Variants in MALRD1 observed in about 807,000 individuals in gnomAD.
MALRD1 encodes MAM and LDL-receptor class A domain-containing protein 1.
A neutral mutation model predicts 242.1 loss-of-function variants in MALRD1; 247 were observed. The ratio of observed to expected loss-of-function variants is 1.02; its 90% CI spans 0.92 to 1.13. The LOEUF (loss-of-function observed/expected upper bound fraction) is 1.13, where lower values mean the gene tolerates loss of function less well. Among genes scored for constraint, MALRD1 ranks in the 50% most tolerant of loss-of-function variants. The pLI is 0.00. For synonymous variants in MALRD1, 995 were observed against 866.6 expected (o/e 1.15, Z -2.60); for missense variants, 2,989 against 2,533.1 (o/e 1.18, Z -3.86).
chr10:19,462,692 G>C (rs765902352), intron 29 of MALRD1, among the ~76,000 whole-genome samples: 1 of 152,186 alleles, frequency 6.6e-6, no homozygotes, highest in Non-Finnish European at 1.5e-5. Flanking sequence ...CTACTAGCAA[G>C]TATAGAAGGA....
At position 19,246,296 on chromosome 10, in the gene MALRD1, T is replaced by C. The variant is rs553791864; in HGVS notation, c.2992-11388T>C. Among the ~76,000 whole-genome samples the C allele has an allele frequency of 5.9e-5, 9 of 152,280 alleles. 1 individual carries two copies. The South Asian group carries it at 1.9e-3, about 32-fold the overall frequency. On this transcript the variant is annotated intron_variant, in intron 18 of 39. Coordinates refer to ENST00000454679, the MANE Select transcript of MALRD1 (RefSeq NM_001142308.3). ...ATATTCAGACACATGTAGAGTTATA[T>C]TTTCATTTTGTATTAAGTAACTGGC...
At chr10:19,307,837 G>T (rs1253978106) in intron 21 of MALRD1, among the ~76,000 whole-genome samples, 2 of 151,386 alleles carry the variant, frequency 1.3e-5, no homozygotes, top group Non-Finnish European at 3.0e-5. Context: ...ATTTTTAATT[G>T]ACAAATAATA....
chr10:19,360,506 G>A (rs1448763963), intron 26 of MALRD1, among the ~76,000 whole-genome samples: 2 of 151,890 alleles, frequency 1.3e-5, no homozygotes, highest in African/African-American at 2.4e-5. Flanking sequence ...ACCCATCCCT[G>A]CTCACTCTCA....
chr10:19,602,775 T>A (rs536024579), intron 34 of MALRD1, among the ~76,000 whole-genome samples: 179 of 152,256 alleles, frequency 1.2e-3, no homozygotes, highest in African/African-American at 4.1e-3. Context: ...CACCACACTG[T>A]CTTCCACAAT....
chr10:19,408,098 T>C (rs777599084), intron 28 of MALRD1, among the ~76,000 whole-genome samples: 4 of 151,682 alleles, frequency 2.6e-5, no homozygotes, highest in Admixed American at 6.6e-5. Context: ...GCTCCATTCC[T>C]CCTCCCCAAG....
At chr10:19,257,607 T>C in intron 18 of MALRD1, 77 bp from the exon 19 acceptor site, 1 of 1,116,802 alleles carries the variant, frequency 9.0e-7, no homozygotes, top group Non-Finnish European at 1.3e-6. Flanking sequence ...TAAATTCCTC[T>C]TCATCCATTC....
intron 26 of MALRD1, among the ~76,000 whole-genome samples, chr10:19,385,122 T>A (rs555810529): frequency 7.9e-5 from 12 of 152,158 alleles, no homozygotes; most frequent in African/African-American, 2.4e-4. Flanking sequence ...TATGTGGTAA[T>A]GATGTATGAT....
chr10:19,064,201 G>T (rs1053461645), intron 1 of MALRD1, among the ~76,000 whole-genome samples: 2 of 152,126 alleles, frequency 1.3e-5, no homozygotes, highest in Admixed American at 1.3e-4. Context: ...CAGGAACTTG[G>T]ATTCCACTGA....
chr10:19,292,104 C>CAAAAAA (rs1841465076), intron 21 of MALRD1, among the ~76,000 whole-genome samples: 1 of 121,762 alleles, frequency 8.2e-6, no homozygotes, highest in East Asian at 2.7e-4. Flanking sequence ...AAAAAAAAAT[C>CAAAAAA]AAATTTGTGT....
In MALRD1 at chr10:19,595,248, A is replaced by G. The variant is rs1391501229; in HGVS notation, c.5735A>G (p.Tyr1912Cys). 1.9e-6 allele frequency: 3 copies of G among 1,550,504 alleles called. No individual in the cohort carries two copies. Among genetic ancestry groups the G allele is most frequent in the African/African-American group, 2.7e-5 (2 of 73,116 alleles). The change falls in exon 34 of 40, where the codon TAC becomes TGC. Residue 1912 changes from tyrosine to cysteine, a missense_variant. Transcript: ENST00000454679. ...PCEADQFSCI[Y>C]TLQCVPLSGK... Reference sequence around the variant, plus strand: ...GAAGCTGATCAGTTTTCTTGTATCTACACACTCCAATGTGTCCCTCTCTCA... The same window carrying G: ...GAAGCTGATCAGTTTTCTTGTATCTGCACACTCCAATGTGTCCCTCTCTCA...
chr10:19,442,264 T>A (rs1171330171), intron 28 of MALRD1, among the ~76,000 whole-genome samples: 1 of 152,182 alleles, frequency 6.6e-6, no homozygotes, highest in Non-Finnish European at 1.5e-5. Flanking sequence ...AAATATACAA[T>A]CATGTCATCT....
intron 18 of MALRD1, among the ~76,000 whole-genome samples, chr10:19,219,564 G>A (rs545099298): frequency 2.0e-5 from 3 of 152,104 alleles, no homozygotes; most frequent in South Asian, 4.2e-4. Context: ...AGCCTCCCAA[G>A]TAGCTGCGCC....
rs1843373322 is a variant in MALRD1, at chr10:19,331,560, A to G, written c.3879A>G (p.Ser1293=). The G allele has an allele frequency of 7.1e-6, 11 of 1,550,272 alleles. No individual in the cohort carries two copies. The highest frequency in any genetic ancestry group is 9.6e-6 in the Non-Finnish European group (11 of 1,146,774). ...TTGTGAATGATTGTGCTGATAATTC[A>G]GATGAGACTACTTTCATTTGCCGTA... The part of the protein sequence containing the change: ...CDFVNDCADN[S]DETTFICRTS... The change falls in exon 24 of 40, where the codon TCA becomes TCG. Residue 1293 remains serine, a synonymous_variant. Transcript: ENST00000454679.
intron 18 of MALRD1, among the ~76,000 whole-genome samples, chr10:19,211,689 A>C (rs796536822): frequency 1.9e-4 from 1 of 5,342 alleles, no homozygotes; most frequent in African/African-American, 1.3e-3. Context: ...CCTCACAAAA[A>C]AAAAAAAAAA....
intron 36 of MALRD1, among the ~76,000 whole-genome samples, chr10:19,643,727 T>G (rs1048303759): frequency 6.6e-6 from 1 of 152,178 alleles, no homozygotes; most frequent in East Asian, 1.9e-4. Context: ...CTGCCTATTC[T>G]GTCCCCTTCC....
intron 18 of MALRD1, among the ~76,000 whole-genome samples, chr10:19,252,709 C>A (rs539841292): frequency 1.2e-4 from 18 of 152,084 alleles, no homozygotes; most frequent in African/African-American, 3.6e-4. Flanking sequence ...TAATATGGCA[C>A]TTATGACCCT....
At chr10:19,494,105 C>T (rs1445313283) in intron 30 of MALRD1, among the ~76,000 whole-genome samples, 1 of 152,134 alleles carries the variant, frequency 6.6e-6, no homozygotes, top group East Asian at 1.9e-4. Context: ...TAAGAGCCTA[C>T]CTGCTGACCA....
rs192399044 is a variant in MALRD1, at chr10:19,272,500, G to A, written c.3080-7547G>A. 6.6e-4 allele frequency among the ~76,000 whole-genome samples: 101 copies of A among 152,072 alleles called. 1 individual carries two copies. In the South Asian group the frequency reaches 0.011, roughly 17 times the overall value. ...CTTTAAAAGTATTTAAAAATATTTC[G>A]TTTTAAATTTTATCTTTTATTTATT... On this transcript the variant is annotated intron_variant, in intron 19 of 39. Coordinates refer to ENST00000454679, the MANE Select transcript of MALRD1 (RefSeq NM_001142308.3).
intron 28 of MALRD1, among the ~76,000 whole-genome samples, chr10:19,408,728 T>C (rs1262111184): frequency 6.6e-6 from 1 of 152,172 alleles, no homozygotes; most frequent in Non-Finnish European, 1.5e-5. Flanking sequence ...GAGATATCAC[T>C]ACACGCCGAC....
Sources: gnomAD v4.1 joint callset for allele counts (sites outside exome capture counted in the v4.1 genomes callset) on GRCh38, gnomAD v4.1.1 for gene constraint, MANE v1.5 for transcripts, NCBI Gene and HGNC (gene_info 2026-07-23, HGNC 2026-07-21) for gene names.